KCNT2: variants seen among roughly 807,000 people sequenced by gnomAD.
KCNT2 encodes the protein potassium channel subfamily T member 2.
Under a neutral mutation model 153.8 loss-of-function variants are expected in KCNT2, and 67 were observed. The observed-to-expected ratio is 0.44, with a 90% CI of 0.36 to 0.53. The LOEUF (loss-of-function observed/expected upper bound fraction) is 0.53, where lower values mean the gene tolerates loss of function less well. KCNT2 is among the 20% of genes least tolerant of loss of function. KCNT2 has a pLI of 0.00. For missense variants in KCNT2, 975 were observed against 1,354.8 expected, an observed-to-expected ratio of 0.72 and a Z score of 4.40; for synonymous variants, 500 against 458.8, an observed-to-expected ratio of 1.09 and a Z score of -1.15.
At chr1:196,542,843 C>T (rs1230227323) in intron 1 of KCNT2, among the ~76,000 whole-genome samples, 1 of 152,038 alleles carries the variant, frequency 6.6e-6, no homozygotes, top group Non-Finnish European at 1.5e-5. Context: ...TATTGAAGAA[C>T]TGTCAGTCTA....
intron 13 of KCNT2, among the ~76,000 whole-genome samples, chr1:196,394,012 A>G (rs1397927761): frequency 2.0e-5 from 3 of 151,594 alleles, no homozygotes; most frequent in Non-Finnish European, 4.4e-5. Context: ...AAAGTCTCTC[A>G]CTGGAAAAAA....
chr1:196,366,768 A>C (rs1668078879), intron 14 of KCNT2, among the ~76,000 whole-genome samples: 1 of 152,168 alleles, frequency 6.6e-6, no homozygotes, highest in Admixed American at 6.6e-5. Context: ...CTCTCCAATT[A>C]GAATAAAAAC....
chr1:196,267,656 G>T (rs1657674357), intron 25 of KCNT2, among the ~76,000 whole-genome samples: 1 of 152,000 alleles, frequency 6.6e-6, no homozygotes, highest in African/African-American at 2.4e-5. Flanking sequence ...TATCCTCCTT[G>T]GTTACATGCT....
Position 196,331,186 on chromosome 1 carries a change from T to C in KCNT2, c.2073A>G (p.Lys691=), listed in dbSNP as rs763718667. The C allele has an allele frequency of 2.5e-6, 4 of 1,608,392 alleles. No individual in the cohort carries two copies. Among genetic ancestry groups the C allele is most frequent in the South Asian group, 1.1e-5 (1 of 90,944 alleles). Residue 691 remains lysine (K), a synonymous_variant, in exon 18 of 28, where the codon AAA becomes AAG. Transcript: ENST00000294725. The part of the protein sequence containing the change: ...SPTFCHLLHE[K]VPFCCLRLDK... ...CTAATCTTAAGCAGCAAAATGGTACTTTTTCATGAAGGAGATGACAAAAAG... is the reference window on the plus strand; with the variant it reads ...CTAATCTTAAGCAGCAAAATGGTACCTTTTCATGAAGGAGATGACAAAAAG...
chr1:196,373,346 A>G, intron 13 of KCNT2, 98 bp from the exon 14 acceptor site: 1 of 648,610 alleles, frequency 1.5e-6, no homozygotes, highest in Non-Finnish European at 2.8e-6. Flanking sequence ...AAAAGTCTCA[A>G]TATAAACATA....
intron 13 of KCNT2, among the ~76,000 whole-genome samples, chr1:196,383,034 C>T (rs1248940746): frequency 6.6e-6 from 1 of 152,024 alleles, no homozygotes; most frequent in African/African-American, 2.4e-5. Flanking sequence ...GAAGTCAGAA[C>T]ACTGACATGT....
At chr1:196,463,933 C>T (rs1182230246) in intron 8 of KCNT2, among the ~76,000 whole-genome samples, 1 of 151,788 alleles carries the variant, frequency 6.6e-6, no homozygotes, top group African/African-American at 2.4e-5. Context: ...TGTCCTTTTT[C>T]TCACACTAAC....
chr1:196,431,779 C>CA (rs1674172675), intron 8 of KCNT2, among the ~76,000 whole-genome samples: 1 of 151,898 alleles, frequency 6.6e-6, no homozygotes, highest in South Asian at 2.1e-4. Flanking sequence ...AAAAAGGAAG[C>CA]AAAACCTAAA....
chr1:196,379,543 G>A (rs1344843994), intron 13 of KCNT2, among the ~76,000 whole-genome samples: 1 of 149,462 alleles, frequency 6.7e-6, no homozygotes, highest in East Asian at 2.0e-4. Flanking sequence ...CTGCACTCCA[G>A]CCTAGGTAAT....
intron 8 of KCNT2, among the ~76,000 whole-genome samples, chr1:196,436,761 G>A (rs1473784602): frequency 4.0e-5 from 6 of 150,594 alleles, no homozygotes; most frequent in African/African-American, 1.2e-4. Flanking sequence ...AATACAAAAT[G>A]TACTCAAATA....
chr1:196,606,096 C>G (rs549871376), intron 1 of KCNT2, among the ~76,000 whole-genome samples: 6 of 152,302 alleles, frequency 3.9e-5, no homozygotes, highest in Admixed American at 1.3e-4. Context: ...ACATACCGCA[C>G]AGTTAAAAGA....
At chr1:196,529,987 T>C (rs1020726282) in intron 1 of KCNT2, among the ~76,000 whole-genome samples, 1 of 151,996 alleles carries the variant, frequency 6.6e-6, no homozygotes, top group African/African-American at 2.4e-5. Flanking sequence ...GCCTGATGAC[T>C]CAGAAAAATA....
rs999933844 is a variant in KCNT2, at chr1:196,558,926, A to C, written c.95+49289T>G. ...AAGAAAAGGTGTAATATCTTTGTAA[A>C]CAAGTAATATCTTAATAAAACAAGT... On this transcript the variant is annotated intron_variant, in intron 1 of 27. Transcript: ENST00000294725. Among the ~76,000 whole-genome samples, 5 of 151,538 alleles carry C rather than the reference A, an allele frequency of 3.3e-5. No individual in the cohort carries two copies. In the Admixed American group the frequency reaches 3.3e-4, roughly 10 times the overall value.
At chr1:196,501,286 C>A (rs1161252077) in intron 1 of KCNT2, among the ~76,000 whole-genome samples, 1 of 151,886 alleles carries the variant, frequency 6.6e-6, no homozygotes. Context: ...CTACCAATAG[C>A]AAAGATATGG....
chr1:196,280,748 A>G, intron 25 of KCNT2, 112 bp downstream of exon 25: 1 of 1,010,146 alleles, frequency 9.9e-7, no homozygotes, highest in Non-Finnish European at 1.5e-6. Context: ...GTATTCAGGT[A>G]GCATTCTTTT....
At chr1:196,399,941 G>A (rs1457733405) in intron 12 of KCNT2, among the ~76,000 whole-genome samples, 1 of 151,774 alleles carries the variant, frequency 6.6e-6, no homozygotes, top group East Asian at 1.9e-4. Flanking sequence ...TTTGGACTTT[G>A]CAGCCTCCAG....
At chr1:196,325,598 A>G (rs1481330652) in intron 19 of KCNT2, among the ~76,000 whole-genome samples, 2 of 152,070 alleles carry the variant, frequency 1.3e-5, no homozygotes, top group Non-Finnish European at 2.9e-5. Flanking sequence ...ATTGTTCTAA[A>G]ATTTGTTTTA....
At chr1:196,287,815 T>G (rs1449239753) in intron 22 of KCNT2, among the ~76,000 whole-genome samples, 2 of 152,086 alleles carry the variant, frequency 1.3e-5, no homozygotes, top group Non-Finnish European at 2.9e-5. Context: ...ATAGAAGTAT[T>G]ATGTGTTGAA....
intron 26 of KCNT2, among the ~76,000 whole-genome samples, chr1:196,252,247 G>A (rs1407704869): frequency 6.6e-6 from 1 of 151,474 alleles, no homozygotes; most frequent in Non-Finnish European, 1.5e-5. Flanking sequence ...TCATAGGTTG[G>A]CAAACTTTTG....
Sources: gnomAD v4.1 joint callset for allele counts (sites outside exome capture counted in the v4.1 genomes callset) on GRCh38, gnomAD v4.1.1 for gene constraint, MANE v1.5 for transcripts, NCBI Gene and HGNC (gene_info 2026-07-23, HGNC 2026-07-21) for gene names.